ASTN2: variants seen among roughly 807,000 people sequenced by gnomAD.
ASTN2 encodes astrotactin-2.
Under a neutral mutation model 139.8 loss-of-function variants are expected in ASTN2, and 54 were observed. The observed-to-expected ratio is 0.39, with a 90% CI of 0.31 to 0.48. ASTN2 has a LOEUF of 0.48. ASTN2 is among the 20% of genes least tolerant of loss of function. The pLI, the probability that ASTN2 is intolerant of heterozygous loss-of-function variation, is 0.95. For synonymous variants in ASTN2, 756 were observed against 719.5 expected, an observed-to-expected ratio of 1.05 and a Z score of -0.81; for missense variants, 1,565 against 1,725.1, an observed-to-expected ratio of 0.91 and a Z score of 1.64.
chr9:117,181,023 C>T (rs1831050488), intron 3 of ASTN2: 4 of 1,580,788 alleles, frequency 2.5e-6, no homozygotes, highest in Non-Finnish European at 3.4e-6. Flanking sequence ...GGAGCCTGCA[C>T]TGGGGTAGCG....
intron 11 of ASTN2, among the ~76,000 whole-genome samples, chr9:116,858,081 C>T (rs995066445): frequency 2.6e-5 from 4 of 152,166 alleles, no homozygotes; most frequent in African/African-American, 7.2e-5. Flanking sequence ...GTGTCAACCA[C>T]CAATGGTGCC....
intron 1 of ASTN2, among the ~76,000 whole-genome samples, chr9:117,358,261 GACACACAC>G (rs67475291): frequency 3.0e-3 from 444 of 146,790 alleles, no homozygotes; most frequent in African/African-American, 6.2e-3. Context: ...TACATGTGCA[GACACACAC>G]ACACACACAC....
At chr9:117,300,904 G>A (rs1041674690) in intron 1 of ASTN2, among the ~76,000 whole-genome samples, 8 of 152,126 alleles carry the variant, frequency 5.3e-5, no homozygotes, top group East Asian at 1.9e-4. Context: ...AGCTGTCAGC[G>A]CTCATCTCTG....
At chr9:117,120,010 G>GTATATATATATATA (rs1167959692) in intron 4 of ASTN2, among the ~76,000 whole-genome samples, 2 of 33,728 alleles carry the variant, frequency 5.9e-5, no homozygotes, top group African/African-American at 1.6e-4. Context: ...GTGTGTGTGT[G>GTATATATATATATA]TGTGTGTGTA....
intron 13 of ASTN2, among the ~76,000 whole-genome samples, chr9:116,760,179 T>C (rs1488381939): frequency 1.3e-5 from 2 of 152,218 alleles, no homozygotes; most frequent in African/African-American, 2.4e-5. Flanking sequence ...CCCAGGTGAC[T>C]GCCAAAACTT....
At chr9:116,989,087 T>C (rs547971873) in intron 7 of ASTN2, among the ~76,000 whole-genome samples, 2 of 152,260 alleles carry the variant, frequency 1.3e-5, no homozygotes, top group East Asian at 3.9e-4. Flanking sequence ...CAAGAGTAAT[T>C]ATTCATTTTG....
chr9:117,039,807 C>T lies in ASTN2; in HGVS notation c.1423+12G>A. 6.2e-7 allele frequency: 1 copy of T among 1,611,434 alleles called. No individual in the cohort carries two copies. Among genetic ancestry groups the T allele is most frequent in the South Asian group, 1.1e-5 (1 of 90,748 alleles). On this transcript the variant is annotated intron_variant, in intron 6 of 22. Coordinates refer to ENST00000313400, the MANE Select transcript of ASTN2 (RefSeq NM_001365068.1). The stretch of plus-strand genomic sequence containing the variant: ...GAGTGGGTGTGGAGCATCTGCAATG[C>T]TCGGCTCTTACCATCTGCTATGAAG...
At chr9:116,441,881 C>A (rs1406897465) in intron 21 of ASTN2, among the ~76,000 whole-genome samples, 1 of 152,132 alleles carries the variant, frequency 6.6e-6, no homozygotes, top group Non-Finnish European at 1.5e-5. Flanking sequence ...GTTATTTTTG[C>A]CTGCTGTTTA....
chr9:116,601,915 G>A (rs1564145257), intron 19 of ASTN2, among the ~76,000 whole-genome samples: 1 of 152,162 alleles, frequency 6.6e-6, no homozygotes, highest in African/African-American at 2.4e-5. Context: ...AACCCAGAGA[G>A]AGATTAAATT....
intron 16 of ASTN2, among the ~76,000 whole-genome samples, chr9:116,673,887 T>C (rs1588173394): frequency 6.6e-6 from 1 of 152,206 alleles, no homozygotes; most frequent in African/African-American, 2.4e-5. Flanking sequence ...TTTGCTAAAC[T>C]ATGACTGAGA....
rs145207615 is a variant in ASTN2 at position 117,169,116 on chromosome 9, T to C, written c.1016-27638A>G. 2.9e-3 allele frequency among the ~76,000 whole-genome samples: 442 copies of C among 152,062 alleles called. 1 individual carries two copies. The highest frequency in any genetic ancestry group is 0.01 in the African/African-American group (427 of 41,476). The stretch of plus-strand genomic sequence containing the variant: ...GGCACAGACTAGGTGTTCAATAAAC[T>C]GTAGTGATTATAAATAGAGGTTGCT... On this transcript the variant is annotated intron_variant, in intron 3 of 22. Coordinates refer to ENST00000313400, the MANE Select transcript of ASTN2 (RefSeq NM_001365068.1).
chr9:116,925,915 T>TGCACAC (rs1564343783), intron 10 of ASTN2, among the ~76,000 whole-genome samples: 5 of 151,880 alleles, frequency 3.3e-5, no homozygotes, highest in African/African-American at 9.7e-5. Flanking sequence ...CACATGCACA[T>TGCACAC]AGGGATGCTC....
chr9:116,451,135 C>T (rs1294321934), intron 20 of ASTN2, among the ~76,000 whole-genome samples: 2 of 152,170 alleles, frequency 1.3e-5, no homozygotes, highest in African/African-American at 4.8e-5. Context: ...TGGTTCTAAG[C>T]TCAGGCAGAG....
At chr9:117,000,577 T>C (rs1353829500) in intron 7 of ASTN2, among the ~76,000 whole-genome samples, 1 of 152,186 alleles carries the variant, frequency 6.6e-6, no homozygotes, top group Non-Finnish European at 1.5e-5. Context: ...TTAAACTGTG[T>C]GGTGTTGCAT....
At chr9:116,629,319 G>C (rs752328053) in intron 17 of ASTN2, among the ~76,000 whole-genome samples, 1 of 151,944 alleles carries the variant, frequency 6.6e-6, no homozygotes, top group African/African-American at 2.4e-5. Context: ...GGGTTTCACT[G>C]TGTTAGCCAG....
rs1847236624 is a variant in ASTN2 at position 116,423,502 on chromosome 9, A to T, written c.*2349T>A. On this transcript the variant is annotated 3_prime_UTR_variant, in exon 23 of 23. Coordinates refer to ENST00000313400, the MANE Select transcript of ASTN2 (RefSeq NM_001365068.1). ...GCTAAATTGTTCCTCGGGTTGGGTC[A>T]AGACAATGGAAAGCAACAGCAACCT... Among the ~76,000 whole-genome samples, 1 of 152,234 alleles carries T rather than the reference A, an allele frequency of 6.6e-6. No homozygotes were observed. The highest frequency in any genetic ancestry group is 2.1e-4 in the South Asian group (1 of 4,832).
chr9:116,973,121 T>C (rs1332199820), intron 10 of ASTN2, among the ~76,000 whole-genome samples: 1 of 152,182 alleles, frequency 6.6e-6, no homozygotes, highest in Admixed American at 6.5e-5. Context: ...TTATCCCCTA[T>C]TGCAGATCAG....
Position 117,089,114 on chromosome 9 carries a change from T to C in ASTN2, c.1276+6930A>G, listed in dbSNP as rs1161583059. ...TTCTCACTGCCCAGCAGCATGGTTA[T>C]TAGGGTTGCTTATTCCACACATACA... On this transcript the variant is annotated intron_variant, in intron 5 of 22. Transcript: ENST00000313400. 2.0e-5 allele frequency among the ~76,000 whole-genome samples: 3 copies of C among 152,190 alleles called. No homozygotes were observed. In the South Asian group the frequency reaches 6.2e-4, roughly 32 times the overall value.
At chr9:116,559,825 G>C (rs942021987) in intron 19 of ASTN2, among the ~76,000 whole-genome samples, 1 of 152,142 alleles carries the variant, frequency 6.6e-6, no homozygotes, top group African/African-American at 2.4e-5. Flanking sequence ...TGTATTTGTG[G>C]CCTTTATATT....
Sources: allele counts gnomAD v4.1 joint callset (sites outside exome capture counted in the v4.1 genomes callset), GRCh38; gene constraint gnomAD v4.1.1; transcripts MANE v1.5; gene names NCBI Gene and HGNC (gene_info 2026-07-23, HGNC 2026-07-21).